THSD7A: variants seen among roughly 807,000 people sequenced by gnomAD.
THSD7A encodes thrombospondin type-1 domain-containing protein 7A.
A neutral mutation model predicts 231.3 loss-of-function variants in THSD7A; 96 were observed. The observed-to-expected ratio is 0.41, with a 90% confidence interval of 0.35 to 0.49. The LOEUF is 0.49. Among genes scored for constraint, THSD7A ranks in the 20% least tolerant of loss-of-function variants. THSD7A has a pLI of 0.05. For missense variants in THSD7A, 2,290 were observed against 2,070.2 expected, an observed-to-expected ratio of 1.11 and a Z score of -2.06; for synonymous variants, 940 against 743.3, an observed-to-expected ratio of 1.26 and a Z score of -4.30.
chr7:11,424,861 G>A (rs779124453), intron 15 of THSD7A, 32 bp from the exon 16 acceptor site: 1 of 1,612,988 alleles, frequency 6.2e-7, no homozygotes, highest in East Asian at 2.2e-5. Flanking sequence ...GCAATCTCAG[G>A]GAATCTGGTA....
chr7:11,505,923 G>A (rs759595952), intron 6 of THSD7A, among the ~76,000 whole-genome samples: 2 of 152,110 alleles, frequency 1.3e-5, no homozygotes, highest in Non-Finnish European at 2.9e-5. Flanking sequence ...TGCGGGATGG[G>A]GAATCTAAGA....
At chr7:11,464,233 T>C (rs1052137462) in intron 9 of THSD7A, among the ~76,000 whole-genome samples, 4 of 152,124 alleles carry the variant, frequency 2.6e-5, no homozygotes, top group Non-Finnish European at 5.9e-5. Context: ...GGGAGGTTTC[T>C]GTTTTGTTTT....
chr7:11,472,859 G>A (rs7811562), intron 8 of THSD7A, among the ~76,000 whole-genome samples: 13,001 of 152,066 alleles, frequency 0.085, 1,758 homozygotes, highest in African/African-American at 0.29. Context: ...CTCATCCTGC[G>A]CCACAACAGG....
intron 7 of THSD7A, among the ~76,000 whole-genome samples, chr7:11,481,482 C>G (rs1335256353): frequency 6.6e-6 from 1 of 152,020 alleles, no homozygotes; most frequent in Non-Finnish European, 1.5e-5. Flanking sequence ...ATTTTGGGAG[C>G]CATTTTCAGA....
chr7:11,599,124 A>G (rs1022257306), intron 2 of THSD7A, among the ~76,000 whole-genome samples: 2 of 152,056 alleles, frequency 1.3e-5, no homozygotes, highest in African/African-American at 4.8e-5. Context: ...TAGGAAGGAA[A>G]GTGGATAGGA....
chr7:11,722,830 C>G (rs36199267), intron 1 of THSD7A, among the ~76,000 whole-genome samples: 4,476 of 151,146 alleles, frequency 0.03, 99 homozygotes, highest in Middle Eastern at 0.041. Context: ...GGAAACAACA[C>G]GTGCTGGAGA....
chr7:11,504,354 G>A (rs1268555619), intron 6 of THSD7A, among the ~76,000 whole-genome samples: 1 of 152,022 alleles, frequency 6.6e-6, no homozygotes, highest in Non-Finnish European at 1.5e-5. Context: ...AGTTAACTAT[G>A]GGGTACTGAG....
intron 1 of THSD7A, among the ~76,000 whole-genome samples, chr7:11,674,586 G>C (rs1292657043): frequency 6.6e-6 from 1 of 152,140 alleles, no homozygotes; most frequent in Non-Finnish European, 1.5e-5. Flanking sequence ...AACCTGTACA[G>C]AGCCTTGGCC....
Position 11,445,344 on chromosome 7 carries a change from A to G in THSD7A, c.3064+717T>C, listed in dbSNP as rs558540445. ...AAAGAAGACCAGAGAAAATTGCTTAATACTGCCTATATTAAGATTGAATAT... is the reference window on the plus strand; with the variant it reads ...AAAGAAGACCAGAGAAAATTGCTTAGTACTGCCTATATTAAGATTGAATAT... On this transcript the variant is annotated intron_variant, in intron 13 of 27. Coordinates refer to ENST00000423059, the MANE Select transcript of THSD7A (RefSeq NM_015204.3). Among the ~76,000 whole-genome samples the G allele has an allele frequency of 2.0e-3, 309 of 152,232 alleles. 1 individual carries two copies. The highest frequency in any genetic ancestry group is 7.0e-3 in the African/African-American group (289 of 41,562).
At chr7:11,461,894 A>C in intron 10 of THSD7A, 117 bp downstream of exon 10, 1 of 1,315,868 alleles carries the variant, frequency 7.6e-7, no homozygotes, top group Non-Finnish European at 1.0e-6. Flanking sequence ...TAAACATCCC[A>C]ACTCCATTGA....
intron 6 of THSD7A, among the ~76,000 whole-genome samples, chr7:11,500,729 G>C (rs1195607783): frequency 6.6e-6 from 1 of 151,972 alleles, no homozygotes; most frequent in Non-Finnish European, 1.5e-5. Flanking sequence ...CACGAGGTAG[G>C]TTCAAGATCA....
chr7:11,665,878 T>G (rs1783110093), intron 1 of THSD7A, among the ~76,000 whole-genome samples: 1 of 152,112 alleles, frequency 6.6e-6, no homozygotes, highest in South Asian at 2.1e-4. Context: ...ATTACAAGTT[T>G]TTAAAAAGAC....
chr7:11,486,402 C>T (rs1186631639), intron 6 of THSD7A, among the ~76,000 whole-genome samples: 1 of 152,150 alleles, frequency 6.6e-6, no homozygotes, highest in East Asian at 1.9e-4. Flanking sequence ...TGCTGCCTAG[C>T]ACTATGGGAA....
At chr7:11,546,655 G>A (rs1236378680) in intron 4 of THSD7A, among the ~76,000 whole-genome samples, 1 of 152,144 alleles carries the variant, frequency 6.6e-6, no homozygotes, top group Non-Finnish European at 1.5e-5. Context: ...AACTTAAAAA[G>A]CCACAGTGCC....
chr7:11,789,946 G>A (rs1783898999), intron 1 of THSD7A, among the ~76,000 whole-genome samples: 1 of 151,674 alleles, frequency 6.6e-6, no homozygotes, highest in African/African-American at 2.4e-5. Context: ...ACTGTCTTCT[G>A]GAGAAAGTAA....
At chr7:11,563,885 T>C (rs1790184841) in intron 4 of THSD7A, among the ~76,000 whole-genome samples, 1 of 152,190 alleles carries the variant, frequency 6.6e-6, no homozygotes, top group Admixed American at 6.5e-5. Flanking sequence ...GTGTTCATGC[T>C]TGCTGCTTGG....
Position 11,424,779 on chromosome 7 carries a change from G to C in THSD7A, c.3300C>G (p.Val1100=). ...CCTTGCAGATGCTCCAGGGCTCTGT[G>C]ACCCATAGGTACTGGTTGCAGTCAC... ...CHSDCNQYLW[V]TEPWSICKVT... is the part of the protein sequence containing the mutation. Residue 1100 remains valine, a synonymous_variant, in exon 16 of 28, where the codon GTC becomes GTG. Transcript: ENST00000423059. 6.2e-7 allele frequency: 1 copy of C among 1,613,952 alleles called. No individual in the cohort carries two copies. Among genetic ancestry groups the C allele is most frequent in the South Asian group, 1.1e-5 (1 of 91,074 alleles).
intron 1 of THSD7A, among the ~76,000 whole-genome samples, chr7:11,793,002 T>C (rs1784007754): frequency 6.6e-6 from 1 of 151,934 alleles, no homozygotes; most frequent in South Asian, 2.1e-4. Context: ...TGTGGATAAA[T>C]TAAAATATTG....
chr7:11,506,056 C>G (rs1214521087), intron 6 of THSD7A, among the ~76,000 whole-genome samples: 2 of 152,124 alleles, frequency 1.3e-5, no homozygotes, highest in African/African-American at 4.8e-5. Flanking sequence ...GTCCCTGAAG[C>G]AGGAATGAAG....
Sources: allele counts gnomAD v4.1 joint callset (sites outside exome capture counted in the v4.1 genomes callset), GRCh38; gene constraint gnomAD v4.1.1; transcripts MANE v1.5; gene names NCBI Gene and HGNC (gene_info 2026-07-23, HGNC 2026-07-21).